Variants in AMZ1 observed in about 807,000 individuals in gnomAD.
The protein encoded by AMZ1 is archaelysin family metallopeptidase 1, also known as archaemetzincin-1.
In AMZ1, 39 loss-of-function variants were observed where a neutral mutation model predicts 29.9. The observed-to-expected ratio is 1.30, with a 90% CI of 1.01 to 1.70. AMZ1 has a LOEUF of 1.70. AMZ1 is among the 40% of genes most tolerant of loss of function. The probability of loss-of-function intolerance (pLI) is 0.00; values close to 1 mark genes in which losing one functional copy is unlikely to be tolerated. For synonymous variants in AMZ1, 458 were observed against 304.0 expected, an observed-to-expected ratio of 1.51 and a Z score of -5.27; for missense variants, 1,041 against 680.6, an observed-to-expected ratio of 1.53 and a Z score of -5.89.
upstream of AMZ1, among the ~76,000 whole-genome samples, chr7:2,687,534 C>T (rs1479594656): frequency 6.6e-6 from 1 of 152,226 alleles, no homozygotes; most frequent in East Asian, 1.9e-4. Flanking sequence ...TGTCTGGAGC[C>T]GTCATGCCGG....
At chr7:2,697,933 GA>G (rs897973949) in intron 1 of AMZ1, among the ~76,000 whole-genome samples, 14 of 151,370 alleles carry the variant, frequency 9.2e-5, no homozygotes, top group Non-Finnish European at 2.1e-4. Flanking sequence ...CGTTCCTCTG[GA>G]AAAAAAATAT....
At chr7:2,701,479 G>T (rs1255646986) in intron 2 of AMZ1, among the ~76,000 whole-genome samples, 1 of 152,160 alleles carries the variant, frequency 6.6e-6, no homozygotes, top group Non-Finnish European at 1.5e-5. Context: ...TGTCCTCAGA[G>T]CTCTGTGTCT....
rs1788586792 is a variant in AMZ1, at chr7:2,709,248, G to A, written c.771+4G>A. 11 of 1,491,730 alleles carry A rather than the reference G, an allele frequency of 7.4e-6. 1 individual carries two copies. Among genetic ancestry groups the A allele is most frequent in the South Asian group, 5.5e-5 (4 of 72,168 alleles). 92.4% of individuals were successfully genotyped at this position (1,491,730 alleles called of 1,614,324 possible). On this transcript the variant is annotated splice_donor_region_variant and intron_variant, in intron 5 of 6. Transcript: ENST00000683327. ...GGGGATGGTTCAGTGCTGCAAGGTG[G>A]GTGGGGGCTCTGGGGCTGGTAAGAG...
intron 1 of AMZ1, among the ~76,000 whole-genome samples, chr7:2,690,090 C>T (rs887902126): frequency 2.6e-5 from 4 of 152,144 alleles, no homozygotes; most frequent in African/African-American, 7.2e-5. Context: ...CCCTGGATGC[C>T]CGAGAGCTGT....
At chr7:2,683,225 A>C (rs1786949288), upstream of AMZ1, among the ~76,000 whole-genome samples, 1 of 152,204 alleles carries the variant, frequency 6.6e-6, no homozygotes, top group Non-Finnish European at 1.5e-5. Flanking sequence ...AACAGCACAC[A>C]TTCACTGTCA....
chr7:2,734,329 C>T (rs748067851), intron 4 of AMZ1, among the ~76,000 whole-genome samples: 8 of 152,176 alleles, frequency 5.3e-5, no homozygotes, highest in African/African-American at 1.7e-4. Flanking sequence ...CCAATTATAC[C>T]ACTTTCTATA....
chr7:2,743,731 T>G (rs1190960035), intron 4 of AMZ1, among the ~76,000 whole-genome samples: 1 of 152,148 alleles, frequency 6.6e-6, no homozygotes, highest in Non-Finnish European at 1.5e-5. Context: ...AGGCACTGCC[T>G]CACTCGGGAA....
At chr7:2,733,464 C>T in intron 4 of AMZ1, 2 of 1,613,818 alleles carry the variant, frequency 1.2e-6, no homozygotes, top group Non-Finnish European at 1.7e-6. Context: ...CTGGCCGATC[C>T]GGTCCAAGTT....
upstream of AMZ1, chr7:2,764,590 C>T (rs1791726316): frequency 6.6e-6 from 1 of 152,242 alleles, no homozygotes; most frequent in South Asian, 2.1e-4. Flanking sequence ...TGAATGATCT[C>T]CTCTGCCATG....
chr7:2,693,164 C>T lies in AMZ1; in HGVS notation c.-219+4868C>T, dbSNP rs183459687. Among the ~76,000 whole-genome samples the T allele has an allele frequency of 1.1e-3, 161 of 152,334 alleles. 1 individual carries two copies. The highest frequency in any genetic ancestry group is 9.7e-4 in the Non-Finnish European group (66 of 68,028). On this transcript the variant is annotated intron_variant, in intron 1 of 6. Transcript: ENST00000683327. ...TTGCCCAGGCCGGAGTGCAGTGGCG[C>T]GATTTCGGCTCACCGCAACCTCCGC...
chr7:2,696,423 ATT>A (rs371381254), intron 1 of AMZ1, among the ~76,000 whole-genome samples: 1 of 150,488 alleles, frequency 6.6e-6, no homozygotes, highest in Non-Finnish European at 1.5e-5. Flanking sequence ...CGCCTGGCTA[ATT>A]TTTTTGTATT....
chr7:2,759,308 C>G (rs547456398), intron 4 of AMZ1, among the ~76,000 whole-genome samples: 18 of 152,232 alleles, frequency 1.2e-4, no homozygotes, highest in Non-Finnish European at 2.9e-5. Context: ...GGAAACAAAG[C>G]GCTAGCTGTA....
intron 3 of AMZ1, among the ~76,000 whole-genome samples, chr7:2,707,818 C>CTTTTTT (rs60848680): frequency 1.8e-4 from 17 of 95,328 alleles, no homozygotes; most frequent in East Asian, 5.6e-4. Context: ...CTAACGAGGG[C>CTTTTTT]TTTTTTTTTT....
At chr7:2,703,727 G>C (rs1302408000) in intron 3 of AMZ1, among the ~76,000 whole-genome samples, 1 of 152,172 alleles carries the variant, frequency 6.6e-6, no homozygotes, top group Non-Finnish European at 1.5e-5. Context: ...GCTTTTGTCA[G>C]TTATCACCTC....
intron 1 of AMZ1, among the ~76,000 whole-genome samples, chr7:2,699,281 G>C (rs560506615): frequency 6.6e-6 from 1 of 152,306 alleles, no homozygotes; most frequent in South Asian, 2.1e-4. Context: ...TTGCCTAGCT[G>C]CTGCTGCTCC....
chr7:2,759,671 C>T (rs1791466672), upstream of AMZ1, among the ~76,000 whole-genome samples: 2 of 152,198 alleles, frequency 1.3e-5, no homozygotes, highest in African/African-American at 4.8e-5. Context: ...CACGCTGTGC[C>T]TATTTTTTCA....
At chr7:2,725,856 T>G (rs2115257501) in intron 4 of AMZ1, among the ~76,000 whole-genome samples, 1 of 152,272 alleles carries the variant, frequency 6.6e-6, no homozygotes, top group Non-Finnish European at 1.5e-5. Flanking sequence ...AACCATCCCC[T>G]TCCAGGGCAC....
intron 4 of AMZ1, among the ~76,000 whole-genome samples, chr7:2,749,697 T>C (rs1357989093): frequency 1.3e-5 from 2 of 151,996 alleles, no homozygotes; most frequent in East Asian, 3.8e-4. Flanking sequence ...TCTTATCAGA[T>C]ACACAAAAAA....
upstream of AMZ1, among the ~76,000 whole-genome samples, chr7:2,684,557 G>A (rs1327548603): frequency 1.3e-5 from 2 of 152,222 alleles, no homozygotes; most frequent in African/African-American, 4.8e-5. Flanking sequence ...AAGGACAGGG[G>A]TCCCCATATC....
Sources: gnomAD v4.1 joint callset for allele counts (sites outside exome capture counted in the v4.1 genomes callset) on GRCh38, gnomAD v4.1.1 for gene constraint, MANE v1.5 for transcripts, NCBI Gene and HGNC (gene_info 2026-07-23, HGNC 2026-07-21) for gene names.